Variants in TOX2 observed in about 807,000 individuals in gnomAD.
TOX2 encodes granulosa cell HMG box 1.
In TOX2, 15 loss-of-function variants were observed where a neutral mutation model predicts 47.4. The ratio of observed to expected loss-of-function variants is 0.32; its 90% CI spans 0.21 to 0.49. The LOEUF is 0.49. TOX2 is among the 20% of genes least tolerant of loss of function. TOX2 has a pLI of 0.99. For missense variants in TOX2, 622 were observed against 673.1 expected, an observed-to-expected ratio of 0.92 and a Z score of 0.84; for synonymous variants, 290 against 296.6, an observed-to-expected ratio of 0.98 and a Z score of 0.23.
At chr20:44,012,685 T>A (rs886985025) in intron 3 of TOX2, among the ~76,000 whole-genome samples, 1 of 152,142 alleles carries the variant, frequency 6.6e-6, no homozygotes, top group African/African-American at 2.4e-5. Context: ...GGATTTCAGC[T>A]CTGGTGAACT....
intron 2 of TOX2, among the ~76,000 whole-genome samples, chr20:43,993,183 G>A (rs1363112290): frequency 6.7e-6 from 1 of 150,258 alleles, no homozygotes; most frequent in Non-Finnish European, 1.5e-5. Context: ...CTACAGAGAG[G>A]GTTTCACACA....
intron 3 of TOX2, among the ~76,000 whole-genome samples, chr20:44,040,525 G>A (rs145720157): frequency 6.6e-6 from 1 of 152,304 alleles, no homozygotes; most frequent in African/African-American, 2.4e-5. Flanking sequence ...TCCACCTTTA[G>A]TAGCTGTGTG....
At chr20:43,950,048 C>T (rs780150010) in intron 1 of TOX2, among the ~76,000 whole-genome samples, 3 of 152,002 alleles carry the variant, frequency 2.0e-5, no homozygotes, top group Non-Finnish European at 4.4e-5. Context: ...TGGAGGGTCA[C>T]GAGGATTGAC....
chr20:44,006,522 C>T, intron 2 of TOX2, 25 bp from the exon 3 acceptor site: 1 of 1,591,474 alleles, frequency 6.3e-7, no homozygotes, highest in Non-Finnish European at 8.5e-7. Flanking sequence ...CTGACCCCCA[C>T]CGACATGTCT....
chr20:43,962,886 ATT>A (rs1360675358), intron 1 of TOX2, among the ~76,000 whole-genome samples: 58 of 152,374 alleles, frequency 3.8e-4, no homozygotes, highest in Admixed American at 3.8e-3. Context: ...AACAGGTGAC[ATT>A]AATTGTAATA....
At chr20:43,978,976 T>C (rs116347282) in intron 2 of TOX2, among the ~76,000 whole-genome samples, 269 of 152,098 alleles carry the variant, frequency 1.8e-3, no homozygotes, top group African/African-American at 6.0e-3. Context: ...GAGATAAAGT[T>C]AGTGGGTCTT....
chr20:44,016,324 A>G (rs1251471823), intron 3 of TOX2, among the ~76,000 whole-genome samples: 1 of 152,048 alleles, frequency 6.6e-6, no homozygotes, highest in African/African-American at 2.4e-5. Flanking sequence ...GGATTTCACC[A>G]TGTTGCCCAA....
chr20:44,066,942 G>A (rs2071834741), intron 8 of TOX2, 85 bp downstream of exon 8: 1 of 1,544,962 alleles, frequency 6.5e-7, no homozygotes, highest in Non-Finnish European at 8.7e-7. Context: ...ATGGCCAAGG[G>A]CAACGTGGAC....
rs139456369 is a variant in TOX2 at position 44,030,015 on chromosome 20, G to A, written c.412-21291G>A. ...GCACCCTCCTTTATAGGACTCTCCC[G>A]ATGCTCCACGCTCATGGCTGGGTAC... On this transcript the variant is annotated intron_variant, in intron 3 of 8. Transcript: ENST00000341197. 7.2e-3 allele frequency among the ~76,000 whole-genome samples: 1,088 copies of A among 152,158 alleles called. 5 individuals carry two copies. Among genetic ancestry groups the A allele is most frequent in the Middle Eastern group, 0.037 (11 of 294 alleles).
rs560221419 is a variant in TOX2 at position 44,002,596 on chromosome 20, A to G, written c.166-3951A>G. 2.0e-5 allele frequency among the ~76,000 whole-genome samples: 3 copies of G among 152,360 alleles called. No individual in the cohort carries two copies. In the South Asian group the frequency reaches 6.2e-4, roughly 32 times the overall value. Reference sequence around the variant, plus strand: ...CTGTTTTGCATTGCTATAAAGGAATACTTGAGACTAGATCTTTTACAAAGA... The same window carrying G: ...CTGTTTTGCATTGCTATAAAGGAATGCTTGAGACTAGATCTTTTACAAAGA... On this transcript the variant is annotated intron_variant, in intron 2 of 8. Coordinates refer to ENST00000341197, the MANE Select transcript of TOX2 (RefSeq NM_001098797.2).
chr20:44,000,517 A>C (rs925092811), intron 2 of TOX2, among the ~76,000 whole-genome samples: 6 of 152,124 alleles, frequency 3.9e-5, no homozygotes, highest in Non-Finnish European at 7.3e-5. Context: ...TGTTTGAGGT[A>C]TCAATTAACA....
At chr20:43,946,360 G>T (rs867736203) in intron 1 of TOX2, among the ~76,000 whole-genome samples, 1 of 152,166 alleles carries the variant, frequency 6.6e-6, no homozygotes, top group Non-Finnish European at 1.5e-5. Context: ...TGTGGGTTGG[G>T]GGGTCTGGCT....
At chr20:44,062,325 C>G (rs2071731673) in intron 5 of TOX2, among the ~76,000 whole-genome samples, 2 of 151,282 alleles carry the variant, frequency 1.3e-5, no homozygotes, top group African/African-American at 4.9e-5. Context: ...CAACAGTGAC[C>G]AAGCTGAGAA....
At chr20:44,050,512 C>T (rs1283480124) in intron 3 of TOX2, among the ~76,000 whole-genome samples, 2 of 152,206 alleles carry the variant, frequency 1.3e-5, no homozygotes, top group Non-Finnish European at 2.9e-5. Flanking sequence ...GTATGCTTCA[C>T]TCAACAGGGT....
intron 2 of TOX2, among the ~76,000 whole-genome samples, chr20:43,994,290 A>C (rs6031282): frequency 0.4 from 60,417 of 151,224 alleles, 12,380 homozygotes; most frequent in South Asian, 0.5. Context: ...CATGGCAAAA[A>C]CCCATCTCTA....
chr20:43,930,867 T>A (rs2069243198), intron 1 of TOX2, among the ~76,000 whole-genome samples: 1 of 152,250 alleles, frequency 6.6e-6, no homozygotes, highest in Non-Finnish European at 1.5e-5. Flanking sequence ...ACACTTTGCC[T>A]TCTTAATACT....
intron 1 of TOX2, among the ~76,000 whole-genome samples, chr20:43,924,657 TCACCTGTAGCCATAACATAGG>T (rs2069145607): frequency 6.6e-6 from 1 of 152,134 alleles, no homozygotes; most frequent in African/African-American, 2.4e-5. Flanking sequence ...AAAGGAGGGG[TCACCTGTAGCCATAACATAGG>T]CTGCTGTGGT....
intron 3 of TOX2, among the ~76,000 whole-genome samples, chr20:44,040,513 A>G (rs1172551323): frequency 1.3e-5 from 2 of 151,804 alleles, no homozygotes; most frequent in East Asian, 1.9e-4. Context: ...GAGAAGCTCA[A>G]CTCCACCTTT....
chr20:43,931,883 G>A (rs909982697), intron 1 of TOX2, among the ~76,000 whole-genome samples: 4 of 152,080 alleles, frequency 2.6e-5, no homozygotes, highest in African/African-American at 4.8e-5. Flanking sequence ...GCCATATTTC[G>A]AGTACTCGCT....
Sources: gnomAD v4.1 joint callset for allele counts (sites outside exome capture counted in the v4.1 genomes callset) on GRCh38, gnomAD v4.1.1 for gene constraint, MANE v1.5 for transcripts, NCBI Gene and HGNC (gene_info 2026-07-23, HGNC 2026-07-21) for gene names.